The following CLSTN2 variants were observed in gnomAD, a reference collection of about 807,000 sequenced individuals.
CLSTN2 encodes the protein calsyntenin 2, also known as calsyntenin-2.
A neutral mutation model predicts 101.2 loss-of-function variants in CLSTN2; 48 were observed. That is an observed-to-expected ratio of 0.47 (90% CI 0.38 to 0.60). CLSTN2 has a LOEUF of 0.60. Ranked by LOEUF, CLSTN2 falls within the 20% of genes least tolerant of loss-of-function variation. CLSTN2 has a pLI of 0.00. For missense variants in CLSTN2, 1,160 were observed against 1,238.2 expected (o/e 0.94, Z 0.95); for synonymous variants, 481 against 463.6 (o/e 1.04, Z -0.48).
chr3:140,294,720 G>A (rs956447035), intron 2 of CLSTN2, among the ~76,000 whole-genome samples: 1 of 152,120 alleles, frequency 6.6e-6, no homozygotes, highest in Non-Finnish European at 1.5e-5. Context: ...TTATTCAGGT[G>A]AGGCTGCTAT....
At chr3:140,172,041 T>C (rs1301142467) in intron 1 of CLSTN2, among the ~76,000 whole-genome samples, 2 of 150,778 alleles carry the variant, frequency 1.3e-5, no homozygotes, top group African/African-American at 4.9e-5. Flanking sequence ...TTCATCTTTA[T>C]AATGATCATG....
intron 1 of CLSTN2, among the ~76,000 whole-genome samples, chr3:140,079,199 T>C (rs2008544228): frequency 6.6e-6 from 1 of 152,298 alleles, no homozygotes; most frequent in East Asian, 1.9e-4. Flanking sequence ...GGTTTGCTGA[T>C]GCCATCATTA....
intron 7 of CLSTN2, among the ~76,000 whole-genome samples, chr3:140,463,205 A>G (rs1402268194): frequency 6.6e-6 from 1 of 152,076 alleles, no homozygotes; most frequent in Non-Finnish European, 1.5e-5. Flanking sequence ...CTACACACAT[A>G]TCAGCTCCTC....
chr3:140,335,126 C>T (rs1296794578), intron 2 of CLSTN2, among the ~76,000 whole-genome samples: 1 of 152,188 alleles, frequency 6.6e-6, no homozygotes, highest in Non-Finnish European at 1.5e-5. Context: ...AGAATCTTCA[C>T]CCTCTACCTG....
At chr3:140,398,092 C>A (rs1456422029) in intron 2 of CLSTN2, among the ~76,000 whole-genome samples, 1 of 152,112 alleles carries the variant, frequency 6.6e-6, no homozygotes, top group Non-Finnish European at 1.5e-5. Context: ...GCCACACATT[C>A]AAGTTTGAAT....
intron 2 of CLSTN2, among the ~76,000 whole-genome samples, chr3:140,205,193 T>C (rs1257126500): frequency 6.6e-6 from 1 of 152,150 alleles, no homozygotes; most frequent in Non-Finnish European, 1.5e-5. Context: ...TCCAAAGGTG[T>C]TTGCTGGGAT....
chr3:140,474,309 C>T (rs1291501113), intron 8 of CLSTN2, among the ~76,000 whole-genome samples: 1 of 152,028 alleles, frequency 6.6e-6, no homozygotes. Flanking sequence ...TCTCCACAGC[C>T]CTCCCCTTCC....
intron 1 of CLSTN2, among the ~76,000 whole-genome samples, chr3:139,989,082 T>C (rs1045693662): frequency 5.3e-5 from 8 of 152,184 alleles, no homozygotes; most frequent in Admixed American, 1.3e-4. Context: ...TGTTATTCAG[T>C]CAGTCCTTAC....
At chr3:139,960,876 G>C (rs16849604) in intron 1 of CLSTN2, among the ~76,000 whole-genome samples, 1,854 of 152,282 alleles carry the variant, frequency 0.012, 46 homozygotes, top group African/African-American at 0.043. Context: ...TGTTTAGAGG[G>C]TTACATCTTT....
At chr3:140,412,054 G>T (rs2088370891) in intron 4 of CLSTN2, among the ~76,000 whole-genome samples, 1 of 152,178 alleles carries the variant, frequency 6.6e-6, no homozygotes, top group South Asian at 2.1e-4. Flanking sequence ...CACTCTTGTT[G>T]TCCATGCTGG....
At chr3:140,371,975 TG>T (rs1426226846) in intron 2 of CLSTN2, among the ~76,000 whole-genome samples, 5 of 152,232 alleles carry the variant, frequency 3.3e-5, no homozygotes, top group African/African-American at 7.2e-5. Context: ...GCGTGGCAAC[TG>T]GGTTTGTAAC....
chr3:140,094,873 C>G (rs1425566516), intron 1 of CLSTN2, among the ~76,000 whole-genome samples: 1 of 152,218 alleles, frequency 6.6e-6, no homozygotes, highest in Non-Finnish European at 1.5e-5. Context: ...TCATAGCAAA[C>G]TGACTTTCCG....
chr3:140,054,148 A>G (rs2008054187), intron 1 of CLSTN2, among the ~76,000 whole-genome samples: 1 of 152,160 alleles, frequency 6.6e-6, no homozygotes, highest in Admixed American at 6.5e-5. Context: ...GTTCTTGGTC[A>G]GGGAAGGCTT....
chr3:140,118,544 G>T (rs1223864396), intron 1 of CLSTN2, among the ~76,000 whole-genome samples: 1 of 151,390 alleles, frequency 6.6e-6, no homozygotes, highest in Non-Finnish European at 1.5e-5. Flanking sequence ...GTTACAAGGG[G>T]CAAAAATGGG....
At chr3:140,050,584 G>T (rs1473371502) in intron 1 of CLSTN2, among the ~76,000 whole-genome samples, 1 of 152,182 alleles carries the variant, frequency 6.6e-6, no homozygotes, top group Non-Finnish European at 1.5e-5. Flanking sequence ...ACCCTCTGTT[G>T]AAGAACAGGA....
intron 8 of CLSTN2, among the ~76,000 whole-genome samples, chr3:140,496,383 C>T (rs944003866): frequency 5.3e-5 from 8 of 152,158 alleles, no homozygotes; most frequent in African/African-American, 1.7e-4. Flanking sequence ...ATGGGATTTT[C>T]TAGATATAGG....
intron 1 of CLSTN2, among the ~76,000 whole-genome samples, chr3:139,981,030 C>G (rs1482515456): frequency 6.6e-6 from 1 of 151,982 alleles, no homozygotes; most frequent in African/African-American, 2.4e-5. Context: ...AGAGAATTCC[C>G]TGCAGTTGGA....
At chr3:140,363,267 C>T (rs1366289217) in intron 2 of CLSTN2, among the ~76,000 whole-genome samples, 3 of 152,022 alleles carry the variant, frequency 2.0e-5, no homozygotes, top group Non-Finnish European at 2.9e-5. Context: ...ATGAAAATGT[C>T]CAGAAAGGGC....
chr3:140,122,558 C>G (rs1425405330), intron 1 of CLSTN2, among the ~76,000 whole-genome samples: 1 of 152,204 alleles, frequency 6.6e-6, no homozygotes, highest in Admixed American at 6.5e-5. Flanking sequence ...CTTGAGCGCT[C>G]TGCTGTGTAC....
Sources: allele counts gnomAD v4.1 joint callset (sites outside exome capture counted in the v4.1 genomes callset), GRCh38; gene constraint gnomAD v4.1.1; transcripts MANE v1.5; gene names NCBI Gene and HGNC (gene_info 2026-07-23, HGNC 2026-07-21).